The following TRANK1 variants were observed in gnomAD, a reference collection of about 807,000 sequenced individuals.
The protein encoded by TRANK1 is TPR and ankyrin repeat-containing protein 1.
TRANK1 carries 198 observed loss-of-function variants against 266.0 expected under a neutral mutation model. The ratio of observed to expected loss-of-function variants is 0.74; its 90% CI spans 0.66 to 0.84. TRANK1 has a LOEUF of 0.84. Ranked by LOEUF, TRANK1 falls within the 40% of genes least tolerant of loss-of-function variation. The pLI, the probability that TRANK1 is intolerant of heterozygous loss-of-function variation, is 0.00. For synonymous variants in TRANK1, 1,396 were observed against 1,384.1 expected, an observed-to-expected ratio of 1.01 and a Z score of -0.19; for missense variants, 3,326 against 3,634.6, an observed-to-expected ratio of 0.92 and a Z score of 2.18.
At chr3:36,867,906 C>T (rs1016837208) in intron 9 of TRANK1, among the ~76,000 whole-genome samples, 9 of 152,212 alleles carry the variant, frequency 5.9e-5, no homozygotes, top group Non-Finnish European at 1.0e-4. Flanking sequence ...GCACGTTCTT[C>T]CCATCTTTGC....
chr3:36,849,931 T>G, intron 15 of TRANK1: 1 of 694,144 alleles, frequency 1.4e-6, no homozygotes, highest in Non-Finnish European at 1.8e-6. Context: ...TTGGGATTGT[T>G]TTAGTTTCAG....
At chr3:36,882,463 T>C (rs888210549) in intron 8 of TRANK1, among the ~76,000 whole-genome samples, 2 of 151,994 alleles carry the variant, frequency 1.3e-5, no homozygotes, top group African/African-American at 4.8e-5. Context: ...AGGTAATTAT[T>C]TGGAAAAAAA....
chr3:36,841,722 C>T (rs1010313916), intron 18 of TRANK1, among the ~76,000 whole-genome samples: 2 of 152,102 alleles, frequency 1.3e-5, no homozygotes, highest in African/African-American at 4.8e-5. Flanking sequence ...GCTTGGAATT[C>T]TGCTGAGGGA....
At chr3:36,914,350 G>A (rs1173067575) in intron 1 of TRANK1, among the ~76,000 whole-genome samples, 1 of 151,664 alleles carries the variant, frequency 6.6e-6, no homozygotes, top group Non-Finnish European at 1.5e-5. Flanking sequence ...GGCCAGGCTG[G>A]TCTTGAACTC....
rs1164242652 is a variant in TRANK1, at chr3:36,838,438, G to T, written c.5451C>A (p.Ser1817=). Residue 1817 remains serine (S), a synonymous_variant, in exon 20 of 24, where the codon TCC becomes TCA. Coordinates refer to ENST00000645898, the MANE Select transcript of TRANK1 (RefSeq NM_001329998.2). ...CCTTGGCATAGCTCAGACACTTAAG[G>T]GACAGTGTTGGCTCTTTGCACTCCA... ...TYLECKEPTL[S]LKCLSYAKEF... is the part of the protein sequence containing the mutation. 3.7e-6 allele frequency: 6 copies of T among 1,613,892 alleles called. No homozygotes were observed. The Admixed American group carries it at 8.3e-5, about 22-fold the overall frequency.
chr3:36,880,409 C>A, intron 8 of TRANK1: 1 of 318,144 alleles, frequency 3.1e-6, no homozygotes, highest in Non-Finnish European at 6.5e-6. Flanking sequence ...CATCTCTTTC[C>A]TTTGATTTGC....
chr3:36,889,122 G>T (rs994856226), intron 8 of TRANK1, among the ~76,000 whole-genome samples: 1 of 152,254 alleles, frequency 6.6e-6, no homozygotes, highest in Middle Eastern at 3.4e-3. Context: ...TCAGCTCCAG[G>T]CTGCAGCAGC....
At chr3:36,871,519 C>T (rs1169327152) in intron 9 of TRANK1, among the ~76,000 whole-genome samples, 1 of 152,132 alleles carries the variant, frequency 6.6e-6, no homozygotes, top group Non-Finnish European at 1.5e-5. Flanking sequence ...ATCATGGAAA[C>T]CATTCTGAAA....
chr3:36,864,415 C>T lies in TRANK1; in HGVS notation c.1144G>A (p.Val382Met). The change falls in exon 10 of 24, where the codon GTG becomes ATG. Residue 382 changes from valine to methionine, a missense_variant. Coordinates refer to ENST00000645898, the MANE Select transcript of TRANK1 (RefSeq NM_001329998.2). Reference sequence around the variant, plus strand: ...CGGTTTCCTGAGTTCATATACTTCACCAGCTGCTCCAAGACCTTCCTGAAA... The same window carrying T: ...CGGTTTCCTGAGTTCATATACTTCATCAGCTGCTCCAAGACCTTCCTGAAA... ...DIFRKVLEQL[V>M]KYMNSGNRLL... 6.5e-7 allele frequency: 1 copy of T among 1,536,914 alleles called. No homozygotes were observed. The highest frequency in any genetic ancestry group is 2.0e-5 in the Admixed American group (1 of 50,936).
Position 36,861,031 on chromosome 3 carries a change from G to A in TRANK1, c.1370C>T (p.Pro457Leu), listed in dbSNP as rs749529987. 1.6e-5 allele frequency: 24 copies of A among 1,537,844 alleles called. No individual in the cohort carries two copies. Among genetic ancestry groups the A allele is most frequent in the East Asian group, 2.4e-5 (1 of 40,910 alleles). ...LLTRKVSGEP[P>L]LGDCLIKDCN... Reference sequence around the variant, plus strand: ...GTCTTTGATGAGGCAATCCCCAAGCGGTGGTTCTCCACTTACTTTGCGGGT... The same window carrying A: ...GTCTTTGATGAGGCAATCCCCAAGCAGTGGTTCTCCACTTACTTTGCGGGT... The change falls in exon 11 of 24, where the codon CCG becomes CTG. Residue 457 changes from proline (P) to leucine (L), a missense_variant. By Grantham distance (98) the Pro-to-Leu change is moderately conservative. Transcript: ENST00000645898.
At chr3:36,930,369 G>A (rs1049053779) in intron 1 of TRANK1, among the ~76,000 whole-genome samples, 2 of 152,190 alleles carry the variant, frequency 1.3e-5, no homozygotes, top group Non-Finnish European at 2.9e-5. Flanking sequence ...GAGTCTGGAA[G>A]CAGGGGGTCT....
At chr3:36,879,145 G>T (rs2079435415) in intron 8 of TRANK1, among the ~76,000 whole-genome samples, 1 of 150,664 alleles carries the variant, frequency 6.6e-6, no homozygotes, top group South Asian at 2.1e-4. Context: ...TTTGGTTTTG[G>T]CAATTGTTTA....
At chr3:36,876,094 A>C (rs1022096855) in intron 8 of TRANK1, among the ~76,000 whole-genome samples, 1 of 152,244 alleles carries the variant, frequency 6.6e-6, no homozygotes, top group Admixed American at 6.5e-5. Flanking sequence ...AACCACCAAC[A>C]AATAAGACTT....
rs756106426 is a variant in TRANK1 at position 36,838,495 on chromosome 3, C to T, written c.5394G>A (p.Gln1798=). 1.9e-6 allele frequency: 3 copies of T among 1,614,064 alleles called. No homozygotes were observed. Among genetic ancestry groups the T allele is most frequent in the Non-Finnish European group, 1.7e-6 (2 of 1,179,914 alleles). ...KSKKVSPKEK[Q]LEYLELAKTY... is the part of the protein sequence containing the mutation. ...TCTTAGCCAATTCCAAATATTCCAA[C>T]TGCTTTTCCCTAGGGGAAGGAAAAC... is the stretch of plus-strand genomic sequence containing the variant. The change falls in exon 20 of 24, where the codon CAG becomes CAA. Residue 1798 remains glutamine, a synonymous_variant. Coordinates refer to ENST00000645898, the MANE Select transcript of TRANK1 (RefSeq NM_001329998.2).
At chr3:36,904,435 G>T (rs190570920) in intron 2 of TRANK1, among the ~76,000 whole-genome samples, 1 of 151,672 alleles carries the variant, frequency 6.6e-6, no homozygotes, top group African/African-American at 2.4e-5. Context: ...CAGGAGAATC[G>T]TTTGAACCCA....
chr3:36,835,377 AT>A (rs2078758032), intron 20 of TRANK1, among the ~76,000 whole-genome samples: 1 of 151,244 alleles, frequency 6.6e-6, no homozygotes, highest in Non-Finnish European at 1.5e-5. Context: ...AGGAAAACCA[AT>A]TATTTAAGGG....
At chr3:36,849,001 T>C (rs1482293610) in intron 15 of TRANK1, among the ~76,000 whole-genome samples, 1 of 152,144 alleles carries the variant, frequency 6.6e-6, no homozygotes, top group Non-Finnish European at 1.5e-5. Context: ...AGGTGGGGCC[T>C]TTTAGGAGTG....
Position 36,857,265 on chromosome 3 carries a change from C to G in TRANK1, c.2457G>C (p.Thr819=). The G allele has an allele frequency of 1.2e-6, 2 of 1,610,790 alleles. No individual in the cohort carries two copies. ...EGNDDQDDWS[T]QEIEACLQDF... is the part of the protein sequence containing the mutation. ...CCTGGAGGCAGGCCTCAATCTCCTGCGTGCTCCAGTCATCCTGATCATCAT... is the reference window on the plus strand; with the variant it reads ...CCTGGAGGCAGGCCTCAATCTCCTGGGTGCTCCAGTCATCCTGATCATCAT... The change falls in exon 13 of 24, where the codon ACG becomes ACC. Residue 819 remains threonine, a synonymous_variant. Transcript: ENST00000645898. The surrounding 1 kb of genome is among the most constrained non-coding windows in gnomAD (Gnocchi z 4.3).
chr3:36,864,253 A>G (rs1461015937), intron 10 of TRANK1, 66 bp downstream of exon 10: 1 of 1,401,806 alleles, frequency 7.1e-7, no homozygotes, highest in Admixed American at 2.9e-5. Flanking sequence ...CTGAACAGAT[A>G]TTAGAAAAGA....
Sources: gnomAD v4.1 joint callset for allele counts (sites outside exome capture counted in the v4.1 genomes callset) on GRCh38, gnomAD v4.1.1 for gene constraint, Gnocchi (gnomAD v3.1) non-coding constraint, MANE v1.5 for transcripts, NCBI Gene and HGNC (gene_info 2026-07-23, HGNC 2026-07-21) for gene names.